Variants in CELF2 observed in about 807,000 individuals in gnomAD.
CELF2 encodes CUG triplet repeat RNA-binding protein 2.
A neutral mutation model predicts 62.6 loss-of-function variants in CELF2; 8 were observed. The observed-to-expected ratio is 0.13, with a 90% confidence interval of 0.07 to 0.23. CELF2 has a LOEUF of 0.23. CELF2 is among the 10% of genes least tolerant of loss of function. The pLI is 1.00. For missense variants in CELF2, 333 were observed against 671.0 expected (o/e 0.50, Z 5.56); for synonymous variants, 258 against 250.0 (o/e 1.03, Z -0.30).
At chr10:11,166,461 CTT>C (rs913296105) in intron 2 of CELF2, among the ~76,000 whole-genome samples, 1 of 152,188 alleles carries the variant, frequency 6.6e-6, no homozygotes, top group African/African-American at 2.4e-5. Flanking sequence ...GCCCTGGAGT[CTT>C]ACTTTGTAAG....
At chr10:11,040,673 C>T (rs1370535464) in intron 1 of CELF2, among the ~76,000 whole-genome samples, 1 of 152,094 alleles carries the variant, frequency 6.6e-6, no homozygotes, top group Admixed American at 6.6e-5. Flanking sequence ...TGGGAAAACT[C>T]TGCATCCTCA....
At chr10:11,019,082 A>C (rs1371361227) in intron 1 of CELF2, among the ~76,000 whole-genome samples, 1 of 152,198 alleles carries the variant, frequency 6.6e-6, no homozygotes, top group Non-Finnish European at 1.5e-5. Context: ...GAGAGCTGGG[A>C]TTCCTGAAGA....
chr10:10,836,796 C>T (rs1022745207), intron 1 of CELF2, among the ~76,000 whole-genome samples: 3 of 152,134 alleles, frequency 2.0e-5, no homozygotes, highest in African/African-American at 4.8e-5. Flanking sequence ...CCACCACGCC[C>T]GGCTAATTTT....
the CELF2 span, among the ~76,000 whole-genome samples, chr10:10,696,171 A>T: frequency 6.6e-6 from 1 of 151,986 alleles, no homozygotes; most frequent in East Asian, 1.9e-4. Flanking sequence ...TGATGTACAG[A>T]TGGGTTTTTG....
the CELF2 span, among the ~76,000 whole-genome samples, chr10:10,484,531 G>T: frequency 6.6e-6 from 1 of 150,808 alleles, no homozygotes; most frequent in East Asian, 2.0e-4. Flanking sequence ...TGGCCAGGCT[G>T]GTCTCAAACT....
the CELF2 span, among the ~76,000 whole-genome samples, chr10:10,625,547 A>C: frequency 6.6e-6 from 1 of 152,218 alleles, no homozygotes; most frequent in Non-Finnish European, 1.5e-5. Flanking sequence ...CAAAACTTCA[A>C]ATCTCGAAGC....
Position 11,165,799 on chromosome 10 carries a change from G to A in CELF2, c.271+117G>A. 1 of 958,994 alleles carries A rather than the reference G, an allele frequency of 1.0e-6. No individual in the cohort carries two copies. 59.4% of individuals were successfully genotyped at this position (958,994 alleles called of 1,614,324 possible). On this transcript the variant is annotated intron_variant, in intron 2 of 12. Transcript: ENST00000633077. This position sits in a 1 kb window ranked among gnomAD's most constrained non-coding sequence, Gnocchi z 7.4. ...CGGGTAGGCAGGAGGGCTGGAAGCA[G>A]CCGGTGCTGGCGGCCCCTGTGCTCC...
At chr10:10,788,838 GT>G in the CELF2 span, among the ~76,000 whole-genome samples, 1 of 152,088 alleles carries the variant, frequency 6.6e-6, no homozygotes, top group Non-Finnish European at 1.5e-5. Context: ...ACCTCAATGC[GT>G]TTTTGTCTGG....
chr10:10,538,905 C>G, the CELF2 span, among the ~76,000 whole-genome samples: 1 of 152,304 alleles, frequency 6.6e-6, no homozygotes, highest in Non-Finnish European at 1.5e-5. Context: ...GTTTGAGTGT[C>G]ATCCTTTGTT....
At chr10:11,059,648 T>TA (rs1359543293) in intron 1 of CELF2, among the ~76,000 whole-genome samples, 1 of 152,132 alleles carries the variant, frequency 6.6e-6, no homozygotes, top group Non-Finnish European at 1.5e-5. Flanking sequence ...AATAAGCCCA[T>TA]AGCCTTGCAG....
At chr10:11,167,140 A>G (rs1026035474) in intron 2 of CELF2, among the ~76,000 whole-genome samples, 1 of 152,266 alleles carries the variant, frequency 6.6e-6, no homozygotes, top group African/African-American at 2.4e-5. Flanking sequence ...AAATGAGCGC[A>G]ATATTAAATA....
rs2095413177 is a variant in CELF2 at position 11,321,015 on chromosome 10, C to T, written c.1097-174C>T. 6 of 1,351,388 alleles carry T rather than the reference C, an allele frequency of 4.4e-6. No individual in the cohort carries two copies. The African/African-American group carries it at 8.8e-5, about 20-fold the overall frequency. 83.7% of individuals were successfully genotyped at this position (1,351,388 alleles called of 1,614,324 possible). ...TCTCATGGCTTAGGTCATTTTCCCC[C>T]ATTATCACGATTTATTTCTTCATGG... On this transcript the variant is annotated intron_variant, in intron 10 of 12. Coordinates refer to ENST00000633077, the MANE Select transcript of CELF2 (RefSeq NM_001326342.2). This position sits in a 1 kb window ranked among gnomAD's most constrained non-coding sequence, Gnocchi z 6.2.
the CELF2 span, among the ~76,000 whole-genome samples, chr10:10,591,337 A>G: frequency 2.6e-5 from 4 of 152,314 alleles, no homozygotes; most frequent in East Asian, 7.7e-4. Context: ...TAATATCAAA[A>G]GTTACATTTA....
chr10:10,759,144 C>T, the CELF2 span, among the ~76,000 whole-genome samples: 1 of 152,078 alleles, frequency 6.6e-6, no homozygotes, highest in East Asian at 1.9e-4. Flanking sequence ...GCAAATGCAT[C>T]ATTGAACAAA....
the CELF2 span, among the ~76,000 whole-genome samples, chr10:10,707,700 T>G: frequency 6.6e-6 from 1 of 152,194 alleles, no homozygotes; most frequent in Non-Finnish European, 1.5e-5. Context: ...ATTCCTGCAT[T>G]GGGTGGCAGG....
intron 1 of CELF2, among the ~76,000 whole-genome samples, chr10:11,144,350 T>C (rs777840000): frequency 1.3e-5 from 2 of 152,162 alleles, no homozygotes; most frequent in Non-Finnish European, 2.9e-5. Flanking sequence ...AGCCATGGGA[T>C]ATAAAGTCAT....
chr10:10,466,798 T>C, the CELF2 span, among the ~76,000 whole-genome samples: 3 of 152,110 alleles, frequency 2.0e-5, no homozygotes, highest in Admixed American at 6.6e-5. Context: ...TTCCCTGAAA[T>C]TGAATAATGT....
At chr10:11,065,556 G>A (rs1052396256) in intron 1 of CELF2, among the ~76,000 whole-genome samples, 2 of 152,118 alleles carry the variant, frequency 1.3e-5, no homozygotes, top group Admixed American at 1.3e-4. Context: ...ATTTATCCAT[G>A]TCAAAATGAG....
the CELF2 span, among the ~76,000 whole-genome samples, chr10:10,621,260 A>AAAAAAAAAC: frequency 6.7e-6 from 1 of 149,960 alleles, no homozygotes. Context: ...AAAAAAAAAA[A>AAAAAAAAAC]AAAAAGGCTA....
Sources: allele counts gnomAD v4.1 joint callset (sites outside exome capture counted in the v4.1 genomes callset), GRCh38; gene constraint gnomAD v4.1.1; non-coding constraint Gnocchi (gnomAD v3.1); transcripts MANE v1.5; gene names NCBI Gene and HGNC (gene_info 2026-07-23, HGNC 2026-07-21).